PCED1B: variants seen among roughly 807,000 people sequenced by gnomAD.
PCED1B encodes the protein PC-esterase domain containing 1B, also known as PC-esterase domain-containing protein 1B.
For missense variants in PCED1B, 573 were observed against 573.9 expected, an observed-to-expected ratio of 1.00 and a Z score of 0.02; for synonymous variants, 251 against 246.1, an observed-to-expected ratio of 1.02 and a Z score of -0.19.
At chr12:47,139,334 A>G (rs1192251371) in intron 2 of PCED1B, among the ~76,000 whole-genome samples, 2 of 152,214 alleles carry the variant, frequency 1.3e-5, no homozygotes, top group African/African-American at 4.8e-5. Context: ...GGGGAGCAGC[A>G]GACAGTTGCA....
At chr12:47,105,884 C>T (rs1430949624) in intron 2 of PCED1B, among the ~76,000 whole-genome samples, 1 of 152,156 alleles carries the variant, frequency 6.6e-6, no homozygotes, top group Non-Finnish European at 1.5e-5. Context: ...ATGACAAACA[C>T]GATCTTACAG....
intron 3 of PCED1B, among the ~76,000 whole-genome samples, chr12:47,221,416 G>T: frequency 6.9e-6 from 1 of 144,456 alleles, no homozygotes. Flanking sequence ...TGGGCCAAGT[G>T]ATCCTCCTGC....
chr12:47,103,040 T>G (rs1443826771), intron 1 of PCED1B, among the ~76,000 whole-genome samples: 1 of 152,118 alleles, frequency 6.6e-6, no homozygotes, highest in Non-Finnish European at 1.5e-5. Context: ...CAGATAAAGT[T>G]TGACACATAC....
chr12:47,081,466 A>G (rs1055146545), intron 1 of PCED1B, among the ~76,000 whole-genome samples: 1 of 152,228 alleles, frequency 6.6e-6, no homozygotes, highest in Admixed American at 6.5e-5. Context: ...TAATAAATCT[A>G]GGCATTTTCA....
chr12:47,192,962 G>T (rs1482433210), intron 2 of PCED1B, among the ~76,000 whole-genome samples: 5 of 152,044 alleles, frequency 3.3e-5, no homozygotes, highest in Non-Finnish European at 7.4e-5. Flanking sequence ...GTCTACATGA[G>T]ACCTTCCTTA....
chr12:47,119,034 T>G (rs1404496845), intron 2 of PCED1B, among the ~76,000 whole-genome samples: 1 of 152,168 alleles, frequency 6.6e-6, no homozygotes. Context: ...GGCATAAGGA[T>G]AGTCATATAG....
At chr12:47,191,118 A>C (rs1232657240) in intron 2 of PCED1B, among the ~76,000 whole-genome samples, 1 of 152,218 alleles carries the variant, frequency 6.6e-6, no homozygotes, top group Non-Finnish European at 1.5e-5. Context: ...AAGGACAAAG[A>C]AAGAGGAAGA....
At chr12:47,222,116 TAAAAAAAA>T (rs63691461) in intron 3 of PCED1B, among the ~76,000 whole-genome samples, 1 of 119,032 alleles carries the variant, frequency 8.4e-6, no homozygotes, top group Admixed American at 9.6e-5. Flanking sequence ...AAAAAAAAAT[TAAAAAAAA>T]AAAAAAAAAA....
rs1029775734 is a variant in PCED1B, at chr12:47,100,911, T to TA, written c.-608-3194dup. On this transcript the variant is annotated intron_variant, in intron 1 of 3. Coordinates refer to ENST00000546455, the MANE Select transcript of PCED1B (RefSeq NM_138371.3). ...GGTGAAACACTGTGTCTATTAAAAA[T>TA]AAAAAAAATTAGCCGGGCATGGTGA... Among the ~76,000 whole-genome samples, 6 of 151,652 alleles carry TA rather than the reference T, an allele frequency of 4.0e-5. No individual in the cohort carries two copies. The South Asian group carries it at 1.0e-3, about 26-fold the overall frequency.
At chr12:47,156,017 A>G (rs1006441981) in intron 2 of PCED1B, among the ~76,000 whole-genome samples, 1 of 152,202 alleles carries the variant, frequency 6.6e-6, no homozygotes, top group Admixed American at 6.5e-5. Context: ...AAAGTGCTGC[A>G]TCATTGTTTA....
chr12:47,123,587 A>C (rs1166453082), intron 2 of PCED1B, among the ~76,000 whole-genome samples: 2 of 152,098 alleles, frequency 1.3e-5, no homozygotes, highest in African/African-American at 4.8e-5. Flanking sequence ...AATTAATAAC[A>C]GTTTCTTTTC....
chr12:47,201,854 C>T (rs1942774758), intron 2 of PCED1B, among the ~76,000 whole-genome samples: 1 of 152,116 alleles, frequency 6.6e-6, no homozygotes, highest in South Asian at 2.1e-4. Flanking sequence ...CCCACCTCGG[C>T]CTCTCGAAGT....
chr12:47,123,364 C>G (rs575502880), intron 2 of PCED1B, among the ~76,000 whole-genome samples: 1 of 152,194 alleles, frequency 6.6e-6, no homozygotes, highest in South Asian at 2.1e-4. Context: ...TCATATAACT[C>G]CAACTCTACC....
At chr12:47,163,448 T>C (rs1941451479) in intron 2 of PCED1B, among the ~76,000 whole-genome samples, 1 of 152,244 alleles carries the variant, frequency 6.6e-6, no homozygotes, top group Admixed American at 6.5e-5. Flanking sequence ...CAGTTCTATG[T>C]TGAATAGAAG....
intron 2 of PCED1B, among the ~76,000 whole-genome samples, chr12:47,157,979 C>T (rs996855186): frequency 2.0e-5 from 3 of 152,186 alleles, no homozygotes; most frequent in Admixed American, 6.5e-5. Context: ...GATTTCCTTC[C>T]TTTAAAGGTT....
At chr12:47,141,461 A>G (rs1940588896) in intron 2 of PCED1B, among the ~76,000 whole-genome samples, 2 of 152,170 alleles carry the variant, frequency 1.3e-5, no homozygotes, top group Admixed American at 1.3e-4. Flanking sequence ...CTGCCACCAG[A>G]GCCATCTATC....
intron 2 of PCED1B, among the ~76,000 whole-genome samples, chr12:47,192,631 G>T (rs1005755456): frequency 6.6e-6 from 1 of 152,196 alleles, no homozygotes; most frequent in Non-Finnish European, 1.5e-5. Flanking sequence ...TCCTGGTCCA[G>T]TCTCTGGTAC....
chr12:47,084,546 A>G (rs1937891462), intron 1 of PCED1B, among the ~76,000 whole-genome samples: 1 of 152,232 alleles, frequency 6.6e-6, no homozygotes, highest in African/African-American at 2.4e-5. Flanking sequence ...GACATTTTAT[A>G]TAAATGGAAT....
intron 3 of PCED1B, among the ~76,000 whole-genome samples, chr12:47,234,473 A>G (rs951072451): frequency 2.0e-5 from 3 of 152,340 alleles, no homozygotes; most frequent in East Asian, 1.9e-4. Context: ...TTTCCTTTCA[A>G]TGTTATCTAT....
Sources: gnomAD v4.1 joint callset for allele counts (sites outside exome capture counted in the v4.1 genomes callset) on GRCh38, gnomAD v4.1.1 for gene constraint, MANE v1.5 for transcripts, NCBI Gene and HGNC (gene_info 2026-07-23, HGNC 2026-07-21) for gene names.